TFDP2: variants seen among roughly 807,000 people sequenced by gnomAD.
The protein encoded by TFDP2 is transcription factor Dp-2.
A neutral mutation model predicts 59.3 loss-of-function variants in TFDP2; 17 were observed. The observed-to-expected ratio is 0.29, with a 90% CI of 0.20 to 0.43. The LOEUF (loss-of-function observed/expected upper bound fraction) is 0.43. TFDP2 is among the 20% of genes least tolerant of loss of function. TFDP2 has a pLI of 1.00. For synonymous variants in TFDP2, 180 were observed against 194.7 expected, an observed-to-expected ratio of 0.92 and a Z score of 0.63; for missense variants, 391 against 528.8, an observed-to-expected ratio of 0.74 and a Z score of 2.56.
Position 142,101,813 on chromosome 3 carries a change from C to T in TFDP2, c.-64G>A, listed in dbSNP as rs942913081. 1.1e-5 allele frequency: 11 copies of T among 979,220 alleles called. No individual in the cohort carries two copies. Among genetic ancestry groups the T allele is most frequent in the East Asian group, 2.8e-5 (1 of 36,216 alleles). 60.7% of individuals were successfully genotyped at this position (979,220 alleles called of 1,614,324 possible). A position where few individuals can be genotyped will look rare whatever the true frequency, so the allele number is the denominator to read the frequency against. On this transcript the variant is annotated 5_prime_UTR_variant, in exon 2 of 13. Coordinates refer to ENST00000489671, the MANE Select transcript of TFDP2 (RefSeq NM_001178139.2). ...AAAAAAATAAAAAGAAAAAAACCTT[C>T]GTCTTCAATAATTCTTTAAAAGAAC...
intron 3 of TFDP2, among the ~76,000 whole-genome samples, chr3:142,087,692 G>A (rs2060848269): frequency 6.6e-6 from 1 of 151,950 alleles, no homozygotes; most frequent in African/African-American, 2.4e-5. Context: ...TGTAGAGGTG[G>A]GGTTTTGCCA....
At chr3:142,088,874 C>T (rs926901969) in intron 3 of TFDP2, among the ~76,000 whole-genome samples, 1 of 151,694 alleles carries the variant, frequency 6.6e-6, no homozygotes, top group Non-Finnish European at 1.5e-5. Context: ...GTCACCCAGG[C>T]TGGAGTGCAA....
At chr3:142,126,927 C>T (rs1229726375) in intron 1 of TFDP2, among the ~76,000 whole-genome samples, 2 of 107,906 alleles carry the variant, frequency 1.9e-5, no homozygotes, top group Non-Finnish European at 4.1e-5. Context: ...GTCTGGGTGA[C>T]AGAGTGAGAC....
At chr3:142,043,337 G>C (rs1481951308) in intron 3 of TFDP2, among the ~76,000 whole-genome samples, 1 of 151,412 alleles carries the variant, frequency 6.6e-6, no homozygotes, top group Non-Finnish European at 1.5e-5. Flanking sequence ...GTGAGCCACC[G>C]CGCCCGGCCG....
intron 3 of TFDP2, among the ~76,000 whole-genome samples, chr3:142,042,730 C>T (rs1412346414): frequency 2.3e-5 from 3 of 131,484 alleles, no homozygotes; most frequent in African/African-American, 8.6e-5. Context: ...TACCTCTTGC[C>T]TGGACGCTTT....
At chr3:141,999,928 G>A (rs546456547) in intron 4 of TFDP2, among the ~76,000 whole-genome samples, 2 of 152,034 alleles carry the variant, frequency 1.3e-5, no homozygotes, top group Non-Finnish European at 2.9e-5. Context: ...GTAGAGACGG[G>A]GTTTCACCTT....
At chr3:142,140,128 A>G (rs1033969707) in intron 1 of TFDP2, among the ~76,000 whole-genome samples, 2 of 152,158 alleles carry the variant, frequency 1.3e-5, no homozygotes, top group Non-Finnish European at 2.9e-5. Flanking sequence ...ATCTTTAATC[A>G]CTGATATCCT....
At chr3:142,027,734 T>C (rs1946197614) in intron 3 of TFDP2, among the ~76,000 whole-genome samples, 1 of 152,210 alleles carries the variant, frequency 6.6e-6, no homozygotes, top group Non-Finnish European at 1.5e-5. Context: ...AAATGATCAA[T>C]TCAATCAAGT....
intron 9 of TFDP2, among the ~76,000 whole-genome samples, chr3:141,964,740 A>T (rs1439278190): frequency 6.6e-6 from 1 of 152,150 alleles, no homozygotes; most frequent in Admixed American, 6.5e-5. Flanking sequence ...AAGCTCTGCC[A>T]TCTCTGCCCT....
rs572320082 is a variant in TFDP2, at chr3:142,015,278, T to C, written c.83-9734A>G. Among the ~76,000 whole-genome samples, 118 of 152,302 alleles carry C rather than the reference T, an allele frequency of 7.7e-4. 1 individual carries two copies. The highest frequency in any genetic ancestry group is 2.6e-3 in the African/African-American group (109 of 41,574). ...AATACACTGATGACTCTCGTGTATA[T>C]TTCTCCAGATTACATCTATTCCTTG... On this transcript the variant is annotated intron_variant, in intron 3 of 12. Coordinates refer to ENST00000489671, the MANE Select transcript of TFDP2 (RefSeq NM_001178139.2).
intron 6 of TFDP2, among the ~76,000 whole-genome samples, chr3:141,980,438 T>C (rs1941353766): frequency 6.6e-6 from 1 of 152,172 alleles, no homozygotes; most frequent in South Asian, 2.1e-4. Context: ...ACTTAAAATA[T>C]ACAATCAATT....
At chr3:142,044,196 C>T (rs932789669) in intron 3 of TFDP2, 14 of 388,058 alleles carry the variant, frequency 3.6e-5, no homozygotes, top group Non-Finnish European at 4.7e-5. Flanking sequence ...TGAGCATACT[C>T]ATGGCTGCGG....
intron 1 of TFDP2, among the ~76,000 whole-genome samples, chr3:142,120,949 T>C (rs1476080999): frequency 6.6e-6 from 1 of 152,080 alleles, no homozygotes; most frequent in Non-Finnish European, 1.5e-5. Flanking sequence ...ATTTGGATTG[T>C]AGAACGGAAA....
chr3:141,951,662 A>T lies in TFDP2; in HGVS notation c.*851T>A, dbSNP rs1935953805. The T allele has an allele frequency of 6.6e-6, 1 of 152,642 alleles. No homozygotes were observed. Among genetic ancestry groups the T allele is most frequent in the African/African-American group, 2.4e-5 (1 of 41,462 alleles). 9.5% of individuals were successfully genotyped at this position (152,642 alleles called of 1,614,324 possible). On this transcript the variant is annotated 3_prime_UTR_variant, in exon 13 of 13. Transcript: ENST00000489671. ...GGAATTTGTTTCTTTGTCTTGTTTTAAATGAAAAAGCTATATGAAATGCAT... is the reference window on the plus strand; with the variant it reads ...GGAATTTGTTTCTTTGTCTTGTTTTTAATGAAAAAGCTATATGAAATGCAT...
At chr3:142,147,411 A>C (rs2063216377) in intron 1 of TFDP2, among the ~76,000 whole-genome samples, 1 of 152,200 alleles carries the variant, frequency 6.6e-6, no homozygotes, top group South Asian at 2.1e-4. Context: ...AAGGAAGTAC[A>C]TCCCACTTCA....
intron 2 of TFDP2, among the ~76,000 whole-genome samples, chr3:142,095,631 A>T (rs995502099): frequency 1.3e-5 from 2 of 152,244 alleles, no homozygotes; most frequent in Non-Finnish European, 2.9e-5. Context: ...AGAAATAAAG[A>T]CAATACTTTC....
intron 2 of TFDP2, among the ~76,000 whole-genome samples, chr3:142,093,459 A>G (rs2108620510): frequency 6.6e-6 from 1 of 152,094 alleles, no homozygotes; most frequent in East Asian, 1.9e-4. Flanking sequence ...TCAAAAAAAA[A>G]AAAGGTGAGG....
chr3:142,038,713 G>A lies in TFDP2; in HGVS notation c.83-33169C>T, dbSNP rs190013683. Among the ~76,000 whole-genome samples the A allele has an allele frequency of 7.9e-5, 12 of 152,016 alleles. No individual in the cohort carries two copies. The East Asian group carries it at 2.1e-3, about 27-fold the overall frequency. ...AATTAATGTTTTGTGTACACATATCGAGTCTTTCTATGATACATATTTTTT... is the reference window on the plus strand; with the variant it reads ...AATTAATGTTTTGTGTACACATATCAAGTCTTTCTATGATACATATTTTTT... On this transcript the variant is annotated intron_variant, in intron 3 of 12. Transcript: ENST00000489671.
At chr3:142,014,969 T>C (rs929811657) in intron 3 of TFDP2, among the ~76,000 whole-genome samples, 118 of 152,264 alleles carry the variant, frequency 7.7e-4, no homozygotes, top group Non-Finnish European at 5.4e-4. Context: ...TTCCCAATTT[T>C]CCCCCACAAT....
Sources: allele counts gnomAD v4.1 joint callset (sites outside exome capture counted in the v4.1 genomes callset), GRCh38; gene constraint gnomAD v4.1.1; transcripts MANE v1.5; gene names NCBI Gene and HGNC (gene_info 2026-07-23, HGNC 2026-07-21).